Variants in ACTN2 observed in about 807,000 individuals in gnomAD.
The protein encoded by ACTN2 is actinin alpha 2, also known as alpha-actinin-2.
In ACTN2, 39 loss-of-function variants were observed where a neutral mutation model predicts 113.8. The observed-to-expected ratio is 0.34, with a 90% CI of 0.27 to 0.45. The LOEUF is 0.45. ACTN2 is among the 20% of genes least tolerant of loss of function. ACTN2 has a pLI of 1.00. For missense variants in ACTN2, 992 were observed against 1,177.9 expected (o/e 0.84, Z 2.31); for synonymous variants, 429 against 444.1 (o/e 0.97, Z 0.43).
intron 14 of ACTN2, among the ~76,000 whole-genome samples, chr1:236,749,853 T>C (rs1659344556): frequency 6.6e-6 from 1 of 152,164 alleles, no homozygotes; most frequent in Non-Finnish European, 1.5e-5. Context: ...TGCTGCATCA[T>C]TGAGCAAAAT....
intron 1 of ACTN2, among the ~76,000 whole-genome samples, chr1:236,715,995 G>T (rs987453654): frequency 9.9e-5 from 15 of 151,726 alleles, no homozygotes; most frequent in African/African-American, 3.4e-4. Flanking sequence ...GGATGGCTTA[G>T]AGTATCTTTT....
chr1:236,758,840 T>G (rs1659625434), intron 18 of ACTN2, among the ~76,000 whole-genome samples: 1 of 152,004 alleles, frequency 6.6e-6, no homozygotes, highest in Non-Finnish European at 1.5e-5. Flanking sequence ...AGGCTGGTCT[T>G]GAACTCCTGA....
At chr1:236,727,538 C>A in intron 5 of ACTN2, 140 bp from the exon 6 acceptor site, 2 of 793,060 alleles carry the variant, frequency 2.5e-6, no homozygotes, top group Non-Finnish European at 2.2e-6. Context: ...GCTCACCGGG[C>A]GGGGTAAAGA....
intron 19 of ACTN2, among the ~76,000 whole-genome samples, chr1:236,760,090 C>T (rs4348712): frequency 6.6e-6 from 1 of 152,114 alleles, no homozygotes; most frequent in African/African-American, 2.4e-5. Flanking sequence ...TACTAAAAAT[C>T]CAAAAATTAG....
chr1:236,735,866 T>C, intron 8 of ACTN2, 146 bp downstream of exon 8: 3 of 795,270 alleles, frequency 3.8e-6, no homozygotes, highest in South Asian at 3.0e-5. Flanking sequence ...TGGCAAGTTC[T>C]AAACTGTGAA....
intron 1 of ACTN2, among the ~76,000 whole-genome samples, chr1:236,713,525 C>T (rs1430532694): frequency 6.6e-6 from 1 of 152,026 alleles, no homozygotes. Context: ...CTGTGCCAAG[C>T]AAAGTATAGA....
At chr1:236,710,742 C>A (rs1198120580) in intron 1 of ACTN2, among the ~76,000 whole-genome samples, 4 of 152,204 alleles carry the variant, frequency 2.6e-5, no homozygotes, top group Non-Finnish European at 4.4e-5. Flanking sequence ...ACTCCGCCTC[C>A]TGTCAGATCA....
rs529286714 is a variant in ACTN2 at position 236,736,687 on chromosome 1, G to T, written c.784-435G>T. 27 of 1,459,824 alleles carry T rather than the reference G, an allele frequency of 1.8e-5. No individual in the cohort carries two copies. The Admixed American group carries it at 4.0e-4, about 22-fold the overall frequency. 90.4% of individuals were successfully genotyped at this position (1,459,824 alleles called of 1,614,324 possible). A position where few individuals can be genotyped will look rare whatever the true frequency, so the allele number is the denominator to read the frequency against. On this transcript the variant is annotated intron_variant, in intron 8 of 20. Transcript: ENST00000366578. ...TGCAATGGTATATCTGGATTTTCCTGCCCCAGTTATTTTTGCCTTGATTTC... is the reference window on the plus strand; with the variant it reads ...TGCAATGGTATATCTGGATTTTCCTTCCCCAGTTATTTTTGCCTTGATTTC...
chr1:236,751,578 T>C lies in ACTN2; in HGVS notation c.1765T>C (p.Tyr589His). 1 of 1,614,052 alleles carries C rather than the reference T, an allele frequency of 6.2e-7. No individual in the cohort carries two copies. The highest frequency in any genetic ancestry group is 8.5e-7 in the Non-Finnish European group (1 of 1,179,956). Reference sequence around the variant, plus strand: ...CGAGGTGGAGAAGGTGATTCAGAGCTACAACATCAGAATCAGCTCAAGCAA... The same window carrying C: ...CGAGGTGGAGAAGGTGATTCAGAGCCACAACATCAGAATCAGCTCAAGCAA... ...QNEVEKVIQSYNIRISSSNPY... is the reference protein window; with the variant it reads ...QNEVEKVIQSHNIRISSSNPY... The change falls in exon 15 of 21, where the codon TAC (tyrosine) becomes CAC (histidine). Residue 589 changes from tyrosine to histidine, a missense_variant. By Grantham distance (83) the Tyr-to-His change is moderately conservative. This residue lies in a region of ACTN2 where 736 missense variants were observed against 815.4 expected (regional missense o/e 0.90). Transcript: ENST00000366578.
In ACTN2 at chr1:236,686,643, G is replaced by A; in HGVS notation, c.-31G>A. On this transcript the variant is annotated 5_prime_UTR_variant, in exon 1 of 21. Transcript: ENST00000366578. The stretch of plus-strand genomic sequence containing the variant: ...CAGCCCGTGCGTCCGAGCCCCTCGC[G>A]CCCCGCCGCAGCCCCGGCCAACCGA... 6.5e-7 allele frequency: 1 copy of A among 1,533,920 alleles called. No individual in the cohort carries two copies. The highest frequency in any genetic ancestry group is 2.7e-5 in the East Asian group (1 of 36,588).
At position 236,751,461 on chromosome 1, in the gene ACTN2, C is replaced by T. The variant is rs777367297; in HGVS notation, c.1657-9C>T. ...ACATTGTTTTTCTCCACTTGTGTCTCGGGTGTAGAGTCTGATCACTGCGCA... is the reference window on the plus strand; with the variant it reads ...ACATTGTTTTTCTCCACTTGTGTCTTGGGTGTAGAGTCTGATCACTGCGCA... On this transcript the variant is annotated splice_polypyrimidine_tract_variant and intron_variant, in intron 14 of 20. Coordinates refer to ENST00000366578, the MANE Select transcript of ACTN2 (RefSeq NM_001103.4). The T allele has an allele frequency of 3.1e-6, 5 of 1,613,772 alleles. No individual in the cohort carries two copies. Among genetic ancestry groups the T allele is most frequent in the South Asian group, 1.1e-5 (1 of 91,068 alleles).
intron 1 of ACTN2, among the ~76,000 whole-genome samples, chr1:236,709,092 G>A (rs1367732364): frequency 6.6e-6 from 1 of 151,184 alleles, no homozygotes; most frequent in Non-Finnish European, 1.5e-5. Flanking sequence ...ACAGAGCTGT[G>A]GTTTCCAGTA....
At chr1:236,687,581 C>T (rs1054023298) in intron 1 of ACTN2, among the ~76,000 whole-genome samples, 1 of 152,254 alleles carries the variant, frequency 6.6e-6, no homozygotes, top group Non-Finnish European at 1.5e-5. Flanking sequence ...GACCTGCCAA[C>T]CCAACCTTAA....
At chr1:236,758,491 A>T (rs1241053635) in intron 18 of ACTN2, among the ~76,000 whole-genome samples, 1 of 136,988 alleles carries the variant, frequency 7.3e-6, no homozygotes, top group Non-Finnish European at 1.6e-5. Context: ...GGGTTTCGCC[A>T]TGTTAGGCAG....
chr1:236,711,542 A>T lies in ACTN2; in HGVS notation c.127-6316A>T, dbSNP rs535677274. On this transcript the variant is annotated intron_variant, in intron 1 of 20. Transcript: ENST00000366578. Reference sequence around the variant, plus strand: ...TTTTTATATTTTTAGTAGAGATGGGATTTCACCGTGTTGATCAGGCTGGTC... The same window carrying T: ...TTTTTATATTTTTAGTAGAGATGGGTTTTCACCGTGTTGATCAGGCTGGTC... Among the ~76,000 whole-genome samples the T allele has an allele frequency of 3.6e-4, 54 of 151,958 alleles. 1 individual carries two copies. In the South Asian group the frequency reaches 5.8e-3, roughly 16 times the overall value.
At chr1:236,727,040 G>A (rs780677800) in intron 5 of ACTN2, among the ~76,000 whole-genome samples, 1 of 152,162 alleles carries the variant, frequency 6.6e-6, no homozygotes, top group African/African-American at 2.4e-5. Context: ...CACTGAACCC[G>A]CTGTCGCCAG....
chr1:236,696,968 G>A (rs995073050), intron 1 of ACTN2, among the ~76,000 whole-genome samples: 2 of 150,094 alleles, frequency 1.3e-5, no homozygotes, highest in Admixed American at 6.7e-5. Context: ...GGCCATTGTT[G>A]TCCCACTATA....
At chr1:236,718,458 T>A (rs1191397372) in intron 2 of ACTN2, among the ~76,000 whole-genome samples, 1 of 152,210 alleles carries the variant, frequency 6.6e-6, no homozygotes, top group Non-Finnish European at 1.5e-5. Context: ...TGGGAAGGAT[T>A]ATGGCAGATC....
At chr1:236,753,755 A>G (rs1659467650) in intron 15 of ACTN2, 192 bp from the exon 16 acceptor site, 1 of 706,180 alleles carries the variant, frequency 1.4e-6, no homozygotes, top group African/African-American at 1.7e-5. Context: ...AAGCTAAATC[A>G]AGCTCATCCT....
Sources: gnomAD v4.1 joint callset for allele counts (sites outside exome capture counted in the v4.1 genomes callset) on GRCh38, gnomAD v4.1.1 for gene constraint, gnomAD v4.1.1 regional missense constraint, MANE v1.5 for transcripts, NCBI Gene and HGNC (gene_info 2026-07-23, HGNC 2026-07-21) for gene names.